Variants in DNAH17 observed in about 807,000 individuals in gnomAD.
DNAH17 encodes the protein axonemal beta dynein heavy chain 17.
In DNAH17, 376 loss-of-function variants were observed where a neutral mutation model predicts 485.6. The observed-to-expected ratio is 0.77, with a 90% confidence interval of 0.71 to 0.84. DNAH17 has a LOEUF of 0.84. Among genes scored for constraint, DNAH17 ranks in the 40% least tolerant of loss-of-function variants. The pLI is 0.00. For missense variants in DNAH17, 6,370 were observed against 5,839.3 expected (o/e 1.09, Z -2.96); for synonymous variants, 3,031 against 2,405.9 (o/e 1.26, Z -7.60).
At chr17:78,516,691 G>GAAA (rs1168693263) in intron 25 of DNAH17, among the ~76,000 whole-genome samples, 64 of 88,526 alleles carry the variant, frequency 7.2e-4, no homozygotes, top group Non-Finnish European at 1.1e-3. Flanking sequence ...CTCCATCTCA[G>GAAA]AAAAAAAAAA....
chr17:78,538,736 T>C (rs1272463229), intron 18 of DNAH17, among the ~76,000 whole-genome samples: 1 of 152,200 alleles, frequency 6.6e-6, no homozygotes, highest in East Asian at 1.9e-4. Flanking sequence ...TAGTGACGAG[T>C]ACTTTCGTCA....
rs776683776 is a variant in DNAH17, at chr17:78,486,147, G to C, written c.7102-14C>G. 6.2e-7 allele frequency: 1 copy of C among 1,610,618 alleles called. No homozygotes were observed. The highest frequency in any genetic ancestry group is 8.5e-7 in the Non-Finnish European group (1 of 1,177,918). On this transcript the variant is annotated splice_polypyrimidine_tract_variant and intron_variant, in intron 45 of 80. Transcript: ENST00000389840. ...ATAATCCACAAGCTGTTGAGACACA[G>C]AAGTAAAAATCAGGGCCCAGCTAAG...
intron 57 of DNAH17, among the ~76,000 whole-genome samples, chr17:78,462,314 C>T (rs1391601613): frequency 2.0e-5 from 3 of 151,950 alleles, no homozygotes; most frequent in African/African-American, 7.3e-5. Context: ...GTGGGAGGTC[C>T]CAGTCTGTTC....
intron 17 of DNAH17, among the ~76,000 whole-genome samples, chr17:78,540,947 ATCG>A (rs1304874725): frequency 0.014 from 1 of 74 alleles, no homozygotes; most frequent in Non-Finnish European, 0.024. Flanking sequence ...GGGTGGGTGG[ATCG>A]GTGGATGAGT....
chr17:78,575,269 C>T (rs570499793), intron 1 of DNAH17, among the ~76,000 whole-genome samples, 187 bp from the exon 2 acceptor site: 59 of 152,302 alleles, frequency 3.9e-4, no homozygotes, highest in Admixed American at 1.0e-3. Flanking sequence ...GCACCTGCCC[C>T]GGCCCCGCCA....
At chr17:78,471,964 C>G (rs9909863) in intron 54 of DNAH17, among the ~76,000 whole-genome samples, 1 of 152,134 alleles carries the variant, frequency 6.6e-6, no homozygotes, top group Non-Finnish European at 1.5e-5. Flanking sequence ...AGTTCTCCCC[C>G]ACCCTCCCTC....
intron 56 of DNAH17, among the ~76,000 whole-genome samples, chr17:78,464,297 T>C (rs187385308): frequency 3.6e-4 from 55 of 152,338 alleles, no homozygotes; most frequent in African/African-American, 1.2e-3. Flanking sequence ...TCTTGCTCTA[T>C]TGCCCAGGCT....
In DNAH17 at chr17:78,530,509, C is replaced by A; in HGVS notation, c.3118G>T (p.Asp1040Tyr). The A allele has an allele frequency of 6.2e-7, 1 of 1,601,942 alleles. No individual in the cohort carries two copies. The highest frequency in any genetic ancestry group is 1.1e-5 in the South Asian group (1 of 90,428). Residue 1040 changes from aspartate to tyrosine, a missense_variant, in exon 21 of 81, where the codon GAC (aspartate) becomes TAC (tyrosine). By Grantham distance (160) the Asp-to-Tyr change is radical. Transcript: ENST00000389840. ...PTLAQFQEQIDSYEKLYEEVS... is the reference protein window; with the variant it reads ...PTLAQFQEQIYSYEKLYEEVS... ...TCCTCATACAGCTTCTCGTAGGAGTCGATCTGGAAAACACGGCCACCGGCG... is the reference window on the plus strand; with the variant it reads ...TCCTCATACAGCTTCTCGTAGGAGTAGATCTGGAAAACACGGCCACCGGCG...
chr17:78,524,873 A>G, intron 25 of DNAH17, 136 bp downstream of exon 25: 1 of 1,242,400 alleles, frequency 8.0e-7, no homozygotes, highest in Non-Finnish European at 1.1e-6. Context: ...GGCCCTTCGG[A>G]TGCCTCCACC....
chr17:78,425,604 G>A (rs756248215), intron 79 of DNAH17, 33 bp from the exon 80 acceptor site: 15 of 1,552,338 alleles, frequency 9.7e-6, no homozygotes, highest in South Asian at 3.6e-5. Flanking sequence ...AGGAGGAGAG[G>A]ACATAGAATG....
Position 78,479,597 on chromosome 17 carries a change from G to A in DNAH17, c.7788C>T (p.Gly2596=). 1 of 1,613,398 alleles carries A rather than the reference G, an allele frequency of 6.2e-7. No individual in the cohort carries two copies. ...HFCVFAVSFP[G]QEALTTIYNT... is the part of the protein sequence containing the mutation. ...TGTAGATGGTGGTGAGGGCCTCCTG[G>A]CCGGGGAAGCTCACAGCAAACACGC... Residue 2596 remains glycine (G), a synonymous_variant, in exon 50 of 81, where the codon GGC becomes GGT. Coordinates refer to ENST00000389840, the MANE Select transcript of DNAH17 (RefSeq NM_173628.4).
intron 69 of DNAH17, among the ~76,000 whole-genome samples, 184 bp from the exon 70 acceptor site, chr17:78,445,864 A>G (rs1424905870): frequency 1.3e-5 from 2 of 152,130 alleles, no homozygotes; most frequent in African/African-American, 2.4e-5. Context: ...TGTGAAATAC[A>G]CATACCATAA....
chr17:78,486,147 GAA>G lies in DNAH17; in HGVS notation c.7102-16_7102-15del. 2 of 1,610,618 alleles carry G rather than the reference GAA, an allele frequency of 1.2e-6. No homozygotes were observed. Among genetic ancestry groups the G allele is most frequent in the Non-Finnish European group, 1.7e-6 (2 of 1,177,918 alleles). ...ATAATCCACAAGCTGTTGAGACACA[GAA>G]GTAAAAATCAGGGCCCAGCTAAGCA... is the stretch of plus-strand genomic sequence containing the variant. On this transcript the variant is annotated splice_polypyrimidine_tract_variant and intron_variant, in intron 45 of 80. Coordinates refer to ENST00000389840, the MANE Select transcript of DNAH17 (RefSeq NM_173628.4).
At chr17:78,516,341 G>A (rs761526069) in intron 25 of DNAH17, among the ~76,000 whole-genome samples, 19 of 152,148 alleles carry the variant, frequency 1.2e-4, no homozygotes, top group South Asian at 1.0e-3. Context: ...ATGGGAAAGC[G>A]TATATCCCAT....
chr17:78,471,138 G>C (rs919313165), intron 54 of DNAH17, among the ~76,000 whole-genome samples: 3 of 152,174 alleles, frequency 2.0e-5, no homozygotes, highest in Non-Finnish European at 2.9e-5. Flanking sequence ...GGCTTTAAAA[G>C]TGTCCATATA....
intron 47 of DNAH17, 91 bp from the exon 48 acceptor site, chr17:78,485,124 C>T: frequency 6.9e-7 from 1 of 1,450,232 alleles, no homozygotes. Flanking sequence ...CCCCGGAGGA[C>T]AGAAGGTGGG....
intron 51 of DNAH17, among the ~76,000 whole-genome samples, chr17:78,478,491 CCAT>C (rs1279689351): frequency 3.9e-4 from 56 of 144,756 alleles, no homozygotes; most frequent in African/African-American, 1.4e-3. Context: ...ATCACTATCA[CCAT>C]CATTATCACC....
At chr17:78,562,001 G>T in intron 11 of DNAH17, 21 bp from the exon 12 acceptor site, 2 of 1,552,330 alleles carry the variant, frequency 1.3e-6, no homozygotes, top group African/African-American at 1.4e-5. Context: ...AGGAGAAGGG[G>T]GCCTCTTCAC....
In DNAH17 at chr17:78,462,962, G is replaced by A. The variant is rs1248046872; in HGVS notation, c.9056C>T (p.Thr3019Ile). 5 of 1,613,884 alleles carry A rather than the reference G, an allele frequency of 3.1e-6. No individual in the cohort carries two copies. Among genetic ancestry groups the A allele is most frequent in the African/African-American group, 2.7e-5 (2 of 74,926 alleles). ...GTACAGTTTGATCTGCTCCAGAAAGGTTTTGGGTGTGGTGTAGTTGTAGCG... is the reference window on the plus strand; with the variant it reads ...GTACAGTTTGATCTGCTCCAGAAAGATTTTGGGTGTGGTGTAGTTGTAGCG... ...ERRYNYTTPK[T>I]FLEQIKLYQN... The change falls in exon 57 of 81, where the codon ACC (threonine) becomes ATC (isoleucine). Residue 3019 changes from threonine (T) to isoleucine (I), a missense_variant. Transcript: ENST00000389840.
Sources: gnomAD v4.1 joint callset for allele counts (sites outside exome capture counted in the v4.1 genomes callset) on GRCh38, gnomAD v4.1.1 for gene constraint, MANE v1.5 for transcripts, NCBI Gene and HGNC (gene_info 2026-07-23, HGNC 2026-07-21) for gene names.